NFXL1: variants seen among roughly 807,000 people sequenced by gnomAD.
The protein encoded by NFXL1 is NF-X1-type zinc finger protein NFXL1.
A neutral mutation model predicts 123.3 loss-of-function variants in NFXL1; 66 were observed. That is an observed-to-expected ratio of 0.54 (90% CI 0.44 to 0.66). The LOEUF (loss-of-function observed/expected upper bound fraction) is 0.66. Among genes scored for constraint, NFXL1 ranks in the 30% least tolerant of loss-of-function variants. NFXL1 has a pLI of 0.00. For synonymous variants in NFXL1, 346 were observed against 360.8 expected (o/e 0.96, Z 0.46); for missense variants, 944 against 1,125.6 (o/e 0.84, Z 2.31).
intron 18 of NFXL1, among the ~76,000 whole-genome samples, chr4:47,870,092 T>C (rs1010740305): frequency 3.9e-5 from 6 of 152,152 alleles, no homozygotes; most frequent in East Asian, 1.9e-4. Flanking sequence ...GATGGTTTCA[T>C]AGAGGAATTC....
intron 19 of NFXL1, among the ~76,000 whole-genome samples, chr4:47,855,514 T>C (rs550291767): frequency 2.0e-5 from 3 of 152,092 alleles, no homozygotes; most frequent in South Asian, 4.1e-4. Context: ...TTCAAGAGTA[T>C]ACTTCCATGT....
chr4:47,903,840 A>G lies in NFXL1; in HGVS notation c.517-517T>C, dbSNP rs1265838629. ...ATAAAACCTATTAGTCTAACACCTAACTAATGCTAAATTCTAAAAATTAGG... is the reference window on the plus strand; with the variant it reads ...ATAAAACCTATTAGTCTAACACCTAGCTAATGCTAAATTCTAAAAATTAGG... On this transcript the variant is annotated intron_variant, in intron 4 of 22. Transcript: ENST00000507489. Among the ~76,000 whole-genome samples, 4 of 152,302 alleles carry G rather than the reference A, an allele frequency of 2.6e-5. No homozygotes were observed. In the East Asian group the frequency reaches 7.7e-4, roughly 29 times the overall value.
At chr4:47,878,425 A>G in intron 17 of NFXL1, 100 bp downstream of exon 17, 1 of 900,876 alleles carries the variant, frequency 1.1e-6, no homozygotes, top group Non-Finnish European at 1.6e-6. Context: ...AAAAAGAGAC[A>G]GGAAGCTAAA....
chr4:47,866,786 G>C (rs919683061), intron 18 of NFXL1, among the ~76,000 whole-genome samples: 1 of 152,150 alleles, frequency 6.6e-6, no homozygotes, highest in South Asian at 2.1e-4. Context: ...TAAATCAAAT[G>C]GTTTATGCTG....
chr4:47,872,007 T>A (rs929965263), intron 18 of NFXL1, among the ~76,000 whole-genome samples: 4 of 152,120 alleles, frequency 2.6e-5, no homozygotes, highest in Non-Finnish European at 5.9e-5. Context: ...CATTATTAAA[T>A]AAAAGGGAAA....
At position 47,848,076 on chromosome 4, in the gene NFXL1, T is replaced by C. The variant is rs879235768; in HGVS notation, c.*87A>G. On this transcript the variant is annotated 3_prime_UTR_variant, in exon 23 of 23. Transcript: ENST00000507489. ...CAGAGATGAATGTAAATATATATCA[T>C]GTTCTATAATATACATTTTCTAATA... 8 of 779,754 alleles carry C rather than the reference T, an allele frequency of 1.0e-5. No individual in the cohort carries two copies. The highest frequency in any genetic ancestry group is 5.6e-5 in the Admixed American group (2 of 35,926). The allele number at this position is 779,754 out of a possible 1,614,324, so 48.3% of individuals were successfully genotyped here. A position where few individuals can be genotyped will look rare whatever the true frequency, so the allele number is the denominator to read the frequency against.
chr4:47,862,567 T>C (rs1331143151), intron 19 of NFXL1, among the ~76,000 whole-genome samples: 1 of 152,196 alleles, frequency 6.6e-6, no homozygotes, highest in Non-Finnish European at 1.5e-5. Flanking sequence ...ATGAATCACA[T>C]TTTGAGGGAT....
rs772559957 is a variant in NFXL1, at chr4:47,900,618, T to TA, written c.648-1071dup. 9.8e-5 allele frequency among the ~76,000 whole-genome samples: 15 copies of TA among 152,348 alleles called. No individual in the cohort carries two copies. The South Asian group carries it at 2.7e-3, about 27-fold the overall frequency. On this transcript the variant is annotated intron_variant, in intron 5 of 22. Transcript: ENST00000507489. Reference sequence around the variant, plus strand: ...ACATAAGTGTTGGCAGTAGAAGTGTTAACCTTCAGCTCTATCAAAAATATA... The same window carrying TA: ...ACATAAGTGTTGGCAGTAGAAGTGTTAAACCTTCAGCTCTATCAAAAATATA...
At chr4:47,857,795 GTCTA>G (rs1388352181) in intron 19 of NFXL1, among the ~76,000 whole-genome samples, 1 of 152,110 alleles carries the variant, frequency 6.6e-6, no homozygotes, top group Non-Finnish European at 1.5e-5. Flanking sequence ...TCCATGGTGA[GTCTA>G]TTAGGTTTTC....
At chr4:47,896,433 ATAAG>A (rs1377215950) in intron 10 of NFXL1, 86 bp downstream of exon 10, 3 of 999,522 alleles carry the variant, frequency 3.0e-6, no homozygotes, top group South Asian at 1.5e-5. Context: ...GTATATGAAA[ATAAG>A]TAATAGAAAA....
At chr4:47,877,228 T>C (rs1379733785) in intron 17 of NFXL1, 3 of 454,010 alleles carry the variant, frequency 6.6e-6, no homozygotes, top group African/African-American at 2.0e-5. Context: ...TATGAGCTCC[T>C]TCCAGCTATG....
chr4:47,912,423 T>C (rs1174270849), intron 2 of NFXL1, among the ~76,000 whole-genome samples: 1 of 151,652 alleles, frequency 6.6e-6, no homozygotes, highest in Admixed American at 6.6e-5. Flanking sequence ...ATCTCAACTG[T>C]CCAGGTAGAG....
intron 14 of NFXL1, among the ~76,000 whole-genome samples, chr4:47,885,014 C>T (rs150164400): frequency 3.3e-4 from 50 of 151,850 alleles, no homozygotes; most frequent in East Asian, 1.4e-3. Context: ...ATAATCCCAG[C>T]TACTCAGGAG....
At chr4:47,869,406 C>T (rs184810867) in intron 18 of NFXL1, among the ~76,000 whole-genome samples, 3 of 152,192 alleles carry the variant, frequency 2.0e-5, no homozygotes, top group African/African-American at 7.2e-5. Context: ...AAATTGATCA[C>T]CTTATTTTAC....
At chr4:47,904,156 G>A (rs1179090109) in intron 4 of NFXL1, among the ~76,000 whole-genome samples, 1 of 152,136 alleles carries the variant, frequency 6.6e-6, no homozygotes, top group African/African-American at 2.4e-5. Flanking sequence ...AATGGCATAT[G>A]GTTGAGCTGA....
rs147802116 is a variant in NFXL1 at position 47,891,190 on chromosome 4, C to T, written c.1453-487G>A. 1.9e-3 allele frequency among the ~76,000 whole-genome samples: 279 copies of T among 149,936 alleles called. 1 individual carries two copies. The highest frequency in any genetic ancestry group is 6.4e-3 in the African/African-American group (260 of 40,788). ...GTAATGGCACAGTCTTGACTGACTG[C>T]AACCTCCACCTCCCAGGCTCAAGCC... is the stretch of plus-strand genomic sequence containing the variant. On this transcript the variant is annotated intron_variant, in intron 11 of 22. Coordinates refer to ENST00000507489, the MANE Select transcript of NFXL1 (RefSeq NM_001278624.2).
In NFXL1 at chr4:47,868,842, C is replaced by T. The variant is rs563547918; in HGVS notation, c.2247-5927G>A. Among the ~76,000 whole-genome samples the T allele has an allele frequency of 2.6e-5, 4 of 152,134 alleles. 1 individual carries two copies. The highest frequency in any genetic ancestry group is 9.6e-5 in the African/African-American group (4 of 41,506). On this transcript the variant is annotated intron_variant, in intron 18 of 22. Transcript: ENST00000507489. Reference sequence around the variant, plus strand: ...AAGGATACCTTTCAATGCTAAAAGCCGTAATTATTAAAAATTCTGTATGAC... The same window carrying T: ...AAGGATACCTTTCAATGCTAAAAGCTGTAATTATTAAAAATTCTGTATGAC...
Position 47,914,109 on chromosome 4 carries a change from C to G in NFXL1, c.95G>C (p.Gly32Ala). Reference sequence around the variant, plus strand: ...CCCCTTCTCTCGCCCTCCTCCGGCGCCGCGGAGATGGACTCCATTTCCTGA... The same window carrying G: ...CCCCTTCTCTCGCCCTCCTCCGGCGGCGCGGAGATGGACTCCATTTCCTGA... The part of the protein sequence containing the change: ...APSGNGVHLR[G>A]AGGGREKGSV... Residue 32 changes from glycine (G) to alanine (A), a missense_variant, in exon 2 of 23, where the codon GGC becomes GCC. Gly to Ala is a moderately conservative substitution (Grantham distance 60). Coordinates refer to ENST00000507489, the MANE Select transcript of NFXL1 (RefSeq NM_001278624.2). 1 of 1,552,966 alleles carries G rather than the reference C, an allele frequency of 6.4e-7. No individual in the cohort carries two copies. Among genetic ancestry groups the G allele is most frequent in the South Asian group, 1.2e-5 (1 of 84,302 alleles).
intron 11 of NFXL1, among the ~76,000 whole-genome samples, chr4:47,893,802 A>AT (rs1036151066): frequency 6.6e-5 from 10 of 152,166 alleles, no homozygotes; most frequent in Middle Eastern, 3.4e-3. Context: ...ACTTTTTCTT[A>AT]TTTTTTCAAG....
Sources: allele counts gnomAD v4.1 joint callset (sites outside exome capture counted in the v4.1 genomes callset), GRCh38; gene constraint gnomAD v4.1.1; transcripts MANE v1.5; gene names NCBI Gene and HGNC (gene_info 2026-07-23, HGNC 2026-07-21).